The following PCNT variants were observed in gnomAD, a reference collection of about 807,000 sequenced individuals.
The protein encoded by PCNT is pericentrin.
PCNT carries 319 observed loss-of-function variants against 380.4 expected under a neutral mutation model. The ratio of observed to expected loss-of-function variants is 0.84; its 90% CI spans 0.77 to 0.92. PCNT has a LOEUF of 0.92. Ranked by LOEUF, PCNT falls within the 40% of genes least tolerant of loss-of-function variation. The pLI, the probability that PCNT is intolerant of heterozygous loss-of-function variation, is 0.00. For missense variants in PCNT, 4,400 were observed against 4,255.3 expected, an observed-to-expected ratio of 1.03 and a Z score of -0.95; for synonymous variants, 1,845 against 1,735.2, an observed-to-expected ratio of 1.06 and a Z score of -1.57.
chr21:46,422,892 C>T (rs529422798), intron 32 of PCNT, among the ~76,000 whole-genome samples: 3 of 152,274 alleles, frequency 2.0e-5, no homozygotes, highest in South Asian at 2.1e-4. Context: ...TTAAAAGTCG[C>T]GGTTTCCAAA....
At position 46,398,080 on chromosome 21, in the gene PCNT, C is replaced by A; in HGVS notation, c.4513C>A (p.Gln1505Lys). 2 of 1,595,688 alleles carry A rather than the reference C, an allele frequency of 1.3e-6. No individual in the cohort carries two copies. The highest frequency in any genetic ancestry group is 1.7e-6 in the Non-Finnish European group (2 of 1,172,554). ...GCAGGAGATTCAGAGGCTGGAGGGGCAGCTCCGCCAGGCGGCCAAGCCGCA... is the reference window on the plus strand; with the variant it reads ...GCAGGAGATTCAGAGGCTGGAGGGGAAGCTCCGCCAGGCGGCCAAGCCGCA... ...FQQEIQRLEG[Q>K]LRQAAKPQPW... The change falls in exon 23 of 47, where the codon CAG becomes AAG. Residue 1505 changes from glutamine (Q) to lysine (K), a missense_variant. Transcript: ENST00000359568.
chr21:46,337,825 G>A (rs577622870), intron 3 of PCNT, among the ~76,000 whole-genome samples: 6 of 151,842 alleles, frequency 4.0e-5, no homozygotes, highest in African/African-American at 7.2e-5. Context: ...CAGGTGATCC[G>A]CCCCCACCTC....
In PCNT at chr21:46,395,687, C is replaced by T. The variant is rs28633426; in HGVS notation, c.4217-1578C>T. Among the ~76,000 whole-genome samples, 3 of 147,272 alleles carry T rather than the reference C, an allele frequency of 2.0e-5. No homozygotes were observed. The South Asian group carries it at 6.6e-4, about 32-fold the overall frequency. On this transcript the variant is annotated intron_variant, in intron 21 of 46. Transcript: ENST00000359568. ...AGAGACTTCAGGATTCAGCAGCAGACACTCCATCTCAGAAATAATAGTAAT... is the reference window on the plus strand; with the variant it reads ...AGAGACTTCAGGATTCAGCAGCAGATACTCCATCTCAGAAATAATAGTAAT...
intron 6 of PCNT, among the ~76,000 whole-genome samples, chr21:46,347,813 C>T (rs568429355): frequency 6.6e-6 from 1 of 152,342 alleles, no homozygotes; most frequent in East Asian, 1.9e-4. Context: ...GACACAGCCT[C>T]TGCCCTCGTG....
chr21:46,412,426 G>A (rs1476156321), intron 28 of PCNT, among the ~76,000 whole-genome samples: 1 of 152,218 alleles, frequency 6.6e-6, no homozygotes, highest in Non-Finnish European at 1.5e-5. Context: ...TTTGTCTGTC[G>A]ATGAGCAGTG....
At chr21:46,374,229 TCTC>T (rs2085258282) in intron 15 of PCNT, among the ~76,000 whole-genome samples, 1 of 152,082 alleles carries the variant, frequency 6.6e-6, no homozygotes, top group African/African-American at 2.4e-5. Context: ...TCAGTCCCCC[TCTC>T]CTCCTGATTG....
chr21:46,405,231 T>TA (rs1299968200), intron 27 of PCNT, among the ~76,000 whole-genome samples: 2 of 151,514 alleles, frequency 1.3e-5, no homozygotes, highest in Non-Finnish European at 2.9e-5. Flanking sequence ...GGACCCTGCC[T>TA]AAAAAAAAAT....
chr21:46,381,174 CAAA>C (rs34108721), intron 15 of PCNT, among the ~76,000 whole-genome samples: 1,343 of 95,962 alleles, frequency 0.014, 55 homozygotes, highest in African/African-American at 0.046. Context: ...AGAGTCCTTC[CAAA>C]AAAAAAAAAA....
chr21:46,377,781 A>C (rs2147091833), intron 15 of PCNT, among the ~76,000 whole-genome samples: 1 of 152,342 alleles, frequency 6.6e-6, no homozygotes, highest in Non-Finnish European at 1.5e-5. Context: ...CAGAAGGTTG[A>C]AGCTGTAGCA....
intron 27 of PCNT, among the ~76,000 whole-genome samples, chr21:46,407,340 C>CTTTT (rs899881614): frequency 0.053 from 5,581 of 106,002 alleles, 887 homozygotes; most frequent in African/African-American, 0.21. Context: ...TATACTTTCT[C>CTTTT]TTTTTTTTTT....
In PCNT at chr21:46,355,617, C is replaced by T; in HGVS notation, c.1927C>T (p.His643Tyr). Residue 643 changes from histidine (H) to tyrosine (Y), a missense_variant, in exon 12 of 47, where the codon CAC becomes TAC. By Grantham distance (83) the His-to-Tyr change is moderately conservative. Coordinates refer to ENST00000359568, the MANE Select transcript of PCNT (RefSeq NM_006031.6). ...HEWRLEPSEG[H>Y]SQELPWVHLQ... ...GTGGCGTCTGGAACCCTCTGAAGGGCACAGCCAAGGTGGGCCCCTCCCGCC... is the reference window on the plus strand; with the variant it reads ...GTGGCGTCTGGAACCCTCTGAAGGGTACAGCCAAGGTGGGCCCCTCCCGCC... 6.2e-7 allele frequency: 1 copy of T among 1,613,432 alleles called. No individual in the cohort carries two copies. The highest frequency in any genetic ancestry group is 8.5e-7 in the Non-Finnish European group (1 of 1,179,824).
chr21:46,372,845 G>C (rs1309289765), intron 15 of PCNT, among the ~76,000 whole-genome samples: 1 of 152,108 alleles, frequency 6.6e-6, no homozygotes, highest in African/African-American at 2.4e-5. Context: ...CACCCTGCTG[G>C]GTATCGTGTG....
chr21:46,428,703 C>T, intron 35 of PCNT, 113 bp downstream of exon 35: 2 of 951,690 alleles, frequency 2.1e-6, no homozygotes, highest in South Asian at 2.8e-5. Context: ...TCTAGTCAAG[C>T]CCCTGAGTGT....
At chr21:46,327,997 T>C (rs1281137835) in intron 2 of PCNT, among the ~76,000 whole-genome samples, 1 of 152,192 alleles carries the variant, frequency 6.6e-6, no homozygotes, top group Non-Finnish European at 1.5e-5. Flanking sequence ...GGGCCTTTTG[T>C]ATGAATTATG....
chr21:46,363,996 G>A, intron 14 of PCNT, 62 bp downstream of exon 14: 1 of 1,496,242 alleles, frequency 6.7e-7, no homozygotes, highest in Non-Finnish European at 9.2e-7. Context: ...AGGGTAGAAG[G>A]TGGGCAGGCT....
chr21:46,329,436 G>C (rs2083486459), intron 2 of PCNT, among the ~76,000 whole-genome samples: 1 of 152,144 alleles, frequency 6.6e-6, no homozygotes, highest in Admixed American at 6.5e-5. Flanking sequence ...ATGGTTTTTG[G>C]TATTTCCTAC....
chr21:46,403,575 GTGGC>G, intron 27 of PCNT, among the ~76,000 whole-genome samples: 1 of 125,242 alleles, frequency 8.0e-6, no homozygotes, highest in African/African-American at 2.9e-5. Context: ...TGGTGCCCAC[GTGGC>G]ACATGCTCGG....
chr21:46,443,855 C>A lies in PCNT; in HGVS notation c.9746C>A (p.Ser3249Tyr), dbSNP rs764310423. 13 of 1,611,658 alleles carry A rather than the reference C, an allele frequency of 8.1e-6. No individual in the cohort carries two copies. The highest frequency in any genetic ancestry group is 5.5e-5 in the South Asian group (5 of 90,904). The change falls in exon 45 of 47, where the codon TCC becomes TAC. Residue 3249 changes from serine (S) to tyrosine (Y), a missense_variant. Ser to Tyr is a moderately radical substitution (Grantham distance 144). Coordinates refer to ENST00000359568, the MANE Select transcript of PCNT (RefSeq NM_006031.6). ...QPQSPPRTRE[S>Y]PPTRDVPSGH... Reference sequence around the variant, plus strand: ...CAGTCTCCACCCAGAACCAGAGAGTCCCCCCCAACCCGGGATGTACCCTCT... The same window carrying A: ...CAGTCTCCACCCAGAACCAGAGAGTACCCCCCAACCCGGGATGTACCCTCT...
At position 46,442,066 on chromosome 21, in the gene PCNT, G is replaced by A. The variant is rs544190568; in HGVS notation, c.9624-431G>A. ...ATCTGACGGACTCCTGCGAGGGCTG[G>A]GGTCTCCGTGTTCTGAGCCTGTCCA... On this transcript the variant is annotated intron_variant, in intron 43 of 46. Coordinates refer to ENST00000359568, the MANE Select transcript of PCNT (RefSeq NM_006031.6). Among the ~76,000 whole-genome samples, 52 of 152,308 alleles carry A rather than the reference G, an allele frequency of 3.4e-4. No homozygotes were observed. In the South Asian group the frequency reaches 0.011, roughly 32 times the overall value.
Sources: gnomAD v4.1 joint callset for allele counts (sites outside exome capture counted in the v4.1 genomes callset) on GRCh38, gnomAD v4.1.1 for gene constraint, MANE v1.5 for transcripts, NCBI Gene and HGNC (gene_info 2026-07-23, HGNC 2026-07-21) for gene names.